The following CHRM3 variants were observed in gnomAD, a reference collection of about 807,000 sequenced individuals.
The protein encoded by CHRM3 is cholinergic receptor muscarinic 3, also known as muscarinic acetylcholine receptor M3.
Under a neutral mutation model 41.8 loss-of-function variants are expected in CHRM3, and 11 were observed. The observed-to-expected ratio is 0.26, with a 90% CI of 0.17 to 0.44. CHRM3 has a LOEUF of 0.44. CHRM3 is among the 20% of genes least tolerant of loss of function. The pLI, the probability that CHRM3 is intolerant of heterozygous loss-of-function variation, is 1.00. For synonymous variants in CHRM3, 297 were observed against 301.4 expected (o/e 0.99, Z 0.15); for missense variants, 571 against 745.4 (o/e 0.77, Z 2.72).
chr1:239,866,619 C>T (rs1217672784), intron 6 of CHRM3, among the ~76,000 whole-genome samples: 1 of 152,118 alleles, frequency 6.6e-6, no homozygotes, highest in African/African-American at 2.4e-5. Context: ...ATATTACTGT[C>T]ACATCTTTAT....
intron 1 of CHRM3, among the ~76,000 whole-genome samples, chr1:239,413,284 C>CATTTATTT (rs370582043): frequency 2.0e-5 from 3 of 151,552 alleles, no homozygotes; most frequent in Admixed American, 1.3e-4. Context: ...GTATTGGTGC[C>CATTTATTT]ATTTATTTAT....
Position 239,908,595 on chromosome 1 carries a change from A to G in CHRM3, c.1144A>G (p.Lys382Glu), listed in dbSNP as rs199775292. The G allele has an allele frequency of 1.2e-6, 2 of 1,602,312 alleles. No homozygotes were observed. The highest frequency in any genetic ancestry group is 1.7e-6 in the Non-Finnish European group (2 of 1,174,470). ...TCACAGCACCATCCTCAACTCCACC[A>G]AGTTACCCTCATCGGACAACCTGCA... ...PGHSTILNST[K>E]LPSSDNLQVP... Residue 382 changes from lysine to glutamate, a missense_variant, in exon 7 of 7, where the codon AAG becomes GAG. Transcript: ENST00000676153. The surrounding 1 kb of genome is among the most constrained non-coding windows in gnomAD (Gnocchi z 7.2).
Position 239,557,527 on chromosome 1 carries a change from T to C in CHRM3, c.-313+11778T>C, listed in dbSNP as rs539959469. Reference sequence around the variant, plus strand: ...TACATGTGCAGGATGTGCAGGTTTGTGTTACATGGGTAAATGCGTGGCATG... The same window carrying C: ...TACATGTGCAGGATGTGCAGGTTTGCGTTACATGGGTAAATGCGTGGCATG... On this transcript the variant is annotated intron_variant, in intron 3 of 6. Coordinates refer to ENST00000676153, the MANE Select transcript of CHRM3 (RefSeq NM_001375978.1). Among the ~76,000 whole-genome samples the C allele has an allele frequency of 4.6e-5, 7 of 152,300 alleles. No homozygotes were observed. In the South Asian group the frequency reaches 1.4e-3, roughly 32 times the overall value.
intron 5 of CHRM3, among the ~76,000 whole-genome samples, chr1:239,694,452 C>T (rs1659996718): frequency 6.6e-6 from 1 of 152,148 alleles, no homozygotes; most frequent in Admixed American, 6.5e-5. Context: ...ATCTTTAAAA[C>T]AAGGCTTAAC....
chr1:239,443,724 T>C (rs2103268202), intron 1 of CHRM3, among the ~76,000 whole-genome samples: 1 of 152,292 alleles, frequency 6.6e-6, no homozygotes, highest in Non-Finnish European at 1.5e-5. Flanking sequence ...ATATAAACGC[T>C]TAGGAGAAGA....
At chr1:239,872,174 T>C (rs1676644333) in intron 6 of CHRM3, among the ~76,000 whole-genome samples, 1 of 152,198 alleles carries the variant, frequency 6.6e-6, no homozygotes, top group Non-Finnish European at 1.5e-5. Context: ...GCAAGACTTG[T>C]GTGTTTAGAA....
chr1:239,450,433 C>T (rs191143852), intron 1 of CHRM3, among the ~76,000 whole-genome samples: 55 of 152,274 alleles, frequency 3.6e-4, no homozygotes, highest in African/African-American at 1.2e-3. Context: ...TCTCTTTTAA[C>T]ATTAAATCAT....
chr1:239,645,926 A>C (rs1288902482), intron 4 of CHRM3, among the ~76,000 whole-genome samples: 1 of 138,880 alleles, frequency 7.2e-6, no homozygotes, highest in African/African-American at 2.5e-5. Flanking sequence ...ATTCAAGAGA[A>C]ATGAGAGAGT....
At chr1:239,819,589 G>C (rs747693156) in intron 5 of CHRM3, among the ~76,000 whole-genome samples, 1 of 152,222 alleles carries the variant, frequency 6.6e-6, no homozygotes, top group African/African-American at 2.4e-5. Flanking sequence ...CTGTAGGAAA[G>C]ATTAATGGAA....
chr1:239,729,669 G>A (rs1663778525), intron 5 of CHRM3, among the ~76,000 whole-genome samples: 1 of 151,832 alleles, frequency 6.6e-6, no homozygotes, highest in Non-Finnish European at 1.5e-5. Flanking sequence ...TGACTTTTTT[G>A]TATTAGATAT....
At chr1:239,772,983 G>C (rs1247045554) in intron 5 of CHRM3, among the ~76,000 whole-genome samples, 2 of 152,204 alleles carry the variant, frequency 1.3e-5, no homozygotes, top group East Asian at 3.9e-4. Context: ...TCAGCACAGA[G>C]CCTAGCACCT....
chr1:239,785,936 C>T (rs1169535226), intron 5 of CHRM3, among the ~76,000 whole-genome samples: 2 of 151,958 alleles, frequency 1.3e-5, no homozygotes, highest in Non-Finnish European at 2.9e-5. Flanking sequence ...AAATTCTGTC[C>T]TCTGTGTGTG....
At chr1:239,696,733 T>C (rs1660231496) in intron 5 of CHRM3, among the ~76,000 whole-genome samples, 1 of 152,202 alleles carries the variant, frequency 6.6e-6, no homozygotes, top group Non-Finnish European at 1.5e-5. Context: ...GTCAAAAATG[T>C]CTTTTATTTT....
chr1:239,526,371 T>A (rs540135182), intron 2 of CHRM3, among the ~76,000 whole-genome samples: 2 of 152,352 alleles, frequency 1.3e-5, no homozygotes, highest in South Asian at 4.1e-4. Flanking sequence ...GAGGTTTTAC[T>A]GTCAATGAAC....
intron 5 of CHRM3, among the ~76,000 whole-genome samples, chr1:239,731,765 A>G (rs1404457353): frequency 6.6e-6 from 1 of 152,020 alleles, no homozygotes; most frequent in Non-Finnish European, 1.5e-5. Flanking sequence ...ACCATTTATG[A>G]TCTATATATA....
intron 5 of CHRM3, among the ~76,000 whole-genome samples, chr1:239,731,555 C>T (rs975490653): frequency 1.3e-5 from 2 of 151,348 alleles, no homozygotes; most frequent in African/African-American, 2.4e-5. Context: ...TTCATGTGAG[C>T]AAGAACAAGA....
rs113052626 is a variant in CHRM3, at chr1:239,437,534, A to C, written c.-521+50307A>C. Among the ~76,000 whole-genome samples, 296 of 151,956 alleles carry C rather than the reference A, an allele frequency of 1.9e-3. 2 individuals are homozygous for C. In the South Asian group the frequency reaches 0.02, roughly 10 times the overall value. ...GGTGACATGGAAAGCCTTTCTTTTT[A>C]TTTTTATTTTTATTTTTTTTGAGAC... On this transcript the variant is annotated intron_variant, in intron 1 of 6. Transcript: ENST00000676153.
rs1671220460 is a variant in CHRM3 at position 239,642,125 on chromosome 1, C to T, written c.-250+9839C>T. On this transcript the variant is annotated intron_variant, in intron 4 of 6. Coordinates refer to ENST00000676153, the MANE Select transcript of CHRM3 (RefSeq NM_001375978.1). ...CTCTTCTGGCTTGTAGAGTTTCTGCCGAGAGACCCTCTGTTAGTCTGATGG... is the reference window on the plus strand; with the variant it reads ...CTCTTCTGGCTTGTAGAGTTTCTGCTGAGAGACCCTCTGTTAGTCTGATGG... Among the ~76,000 whole-genome samples, 2 of 129,216 alleles carry T rather than the reference C, an allele frequency of 1.5e-5. 1 individual carries two copies. The highest frequency in any genetic ancestry group is 5.2e-4 in the South Asian group (2 of 3,876). 84.8% of individuals were successfully genotyped at this position (129,216 alleles called of 152,430 possible). A position where few individuals can be genotyped will look rare whatever the true frequency, so the allele number is the denominator to read the frequency against.
At chr1:239,880,175 G>A (rs1318314913) in intron 6 of CHRM3, among the ~76,000 whole-genome samples, 1 of 152,218 alleles carries the variant, frequency 6.6e-6, no homozygotes, top group Non-Finnish European at 1.5e-5. Context: ...TGTGGGAACT[G>A]GTGATCTGAG....
Sources: allele counts gnomAD v4.1 joint callset (sites outside exome capture counted in the v4.1 genomes callset), GRCh38; gene constraint gnomAD v4.1.1; non-coding constraint Gnocchi (gnomAD v3.1); transcripts MANE v1.5; gene names NCBI Gene and HGNC (gene_info 2026-07-23, HGNC 2026-07-21).